KMT2E: variants seen among roughly 807,000 people sequenced by gnomAD.
KMT2E encodes lysine methyltransferase 2E (inactive), also known as histone reader KMT2E.
In KMT2E, 30 loss-of-function variants were observed where a neutral mutation model predicts 184.6. The ratio of observed to expected loss-of-function variants is 0.16; its 90% CI spans 0.12 to 0.22. KMT2E has a LOEUF of 0.22. Among genes scored for constraint, KMT2E ranks in the 10% least tolerant of loss-of-function variants. The pLI is 1.00. For missense variants in KMT2E, 2,023 were observed against 2,237.4 expected (o/e 0.90, Z 1.93); for synonymous variants, 815 against 776.5 (o/e 1.05, Z -0.82).
intron 1 of KMT2E, among the ~76,000 whole-genome samples, chr7:105,017,690 G>C (rs578201363): frequency 6.6e-6 from 1 of 152,244 alleles, no homozygotes; most frequent in Non-Finnish European, 1.5e-5. Context: ...CTTTGTTCTA[G>C]GATAGCTGAG....
intron 6 of KMT2E, among the ~76,000 whole-genome samples, chr7:105,069,616 T>C (rs1289817545): frequency 6.6e-6 from 1 of 152,238 alleles, no homozygotes; most frequent in East Asian, 1.9e-4. Flanking sequence ...TTTTAAAAAA[T>C]TAAATGTTCT....
chr7:105,088,612 C>T (rs1463684595), intron 13 of KMT2E, among the ~76,000 whole-genome samples: 2 of 152,142 alleles, frequency 1.3e-5, no homozygotes, highest in Non-Finnish European at 2.9e-5. Flanking sequence ...TGAACTACAT[C>T]TTAGCAGCTG....
chr7:105,017,121 G>A (rs1433706160), intron 1 of KMT2E, among the ~76,000 whole-genome samples: 3 of 152,136 alleles, frequency 2.0e-5, no homozygotes, highest in Non-Finnish European at 4.4e-5. Flanking sequence ...GGTGATTAAG[G>A]TCTGTGGTTC....
chr7:105,058,445 T>TAGA (rs1313709116), intron 3 of KMT2E, among the ~76,000 whole-genome samples: 2 of 152,194 alleles, frequency 1.3e-5, no homozygotes, highest in Admixed American at 6.5e-5. Flanking sequence ...TATAACCTCT[T>TAGA]AAGGGTTGCA....
rs59494471 is a variant in KMT2E at position 105,060,187 on chromosome 7, T to G, written c.72-1977T>G. Among the ~76,000 whole-genome samples, 455 of 151,354 alleles carry G rather than the reference T, an allele frequency of 3.0e-3. 15 individuals carry two copies. In the East Asian group the frequency reaches 0.062, roughly 21 times the overall value. On this transcript the variant is annotated intron_variant, in intron 3 of 26. Transcript: ENST00000311117. ...TTATTGTATTTTTAGTAGAGATGGG[T>G]TTTCACCATCTTGGCCAGGCTGGTC...
At chr7:105,094,705 C>T (rs1339640710) in intron 15 of KMT2E, among the ~76,000 whole-genome samples, 1 of 152,182 alleles carries the variant, frequency 6.6e-6, no homozygotes, top group Non-Finnish European at 1.5e-5. Flanking sequence ...CCCTCCTTAC[C>T]TGCAAGTTTG....
At position 105,112,739 on chromosome 7, in the gene KMT2E, G is replaced by C; in HGVS notation, c.4983G>C (p.Ala1661=). 2.5e-6 allele frequency: 4 copies of C among 1,613,248 alleles called. No individual in the cohort carries two copies. The highest frequency in any genetic ancestry group is 3.4e-6 in the Non-Finnish European group (4 of 1,179,848). The change falls in exon 27 of 27, where the codon GCG becomes GCC. Residue 1661 remains alanine, a synonymous_variant. Transcript: ENST00000311117. ...SVAHVVGPVH[A]VTPGSHIHSQ... is the part of the protein sequence containing the mutation. ...CACATGTAGTAGGGCCTGTTCATGC[G>C]GTCACCCCTGGGTCGCATATTCATT...
chr7:105,098,566 C>G (rs1798520948), intron 15 of KMT2E, among the ~76,000 whole-genome samples: 1 of 152,066 alleles, frequency 6.6e-6, no homozygotes, highest in Non-Finnish European at 1.5e-5. Context: ...CCACACCTGG[C>G]TAATTTTTGT....
intron 2 of KMT2E, among the ~76,000 whole-genome samples, chr7:105,040,317 GA>G (rs1341423643): frequency 6.6e-6 from 1 of 152,112 alleles, no homozygotes; most frequent in Non-Finnish European, 1.5e-5. Context: ...ATTATAATAT[GA>G]AAATATACAA....
intron 3 of KMT2E, among the ~76,000 whole-genome samples, chr7:105,053,106 G>C (rs550264037): frequency 6.6e-6 from 1 of 152,112 alleles, no homozygotes; most frequent in African/African-American, 2.4e-5. Context: ...TTAAAAATTG[G>C]CATGATTTCA....
chr7:105,055,420 G>T (rs1390262596), intron 3 of KMT2E, among the ~76,000 whole-genome samples: 6 of 151,926 alleles, frequency 3.9e-5, no homozygotes, highest in Admixed American at 3.9e-4. Context: ...GGTTCTTCTT[G>T]AACTAGTCCT....
chr7:105,081,672 T>C lies in KMT2E; in HGVS notation c.1249-16T>C. ...GAAAGTAATTTATGGTAATGTACAA[T>C]TATTTTAACTTTTAGGTGAGGCATG... On this transcript the variant is annotated splice_polypyrimidine_tract_variant and intron_variant, in intron 12 of 26. Coordinates refer to ENST00000311117, the MANE Select transcript of KMT2E (RefSeq NM_182931.3). 8.3e-7 allele frequency: 1 copy of C among 1,206,308 alleles called. No homozygotes were observed. Among genetic ancestry groups the C allele is most frequent in the Non-Finnish European group, 1.2e-6 (1 of 827,014 alleles). 74.7% of individuals were successfully genotyped at this position (1,206,308 alleles called of 1,614,324 possible).
At position 105,109,356 on chromosome 7, in the gene KMT2E, G is replaced by A. The variant is rs1562933875; in HGVS notation, c.3755+128G>A. 4.3e-6 allele frequency: 4 copies of A among 932,402 alleles called. No homozygotes were observed. In the South Asian group the frequency reaches 6.9e-5, roughly 16 times the overall value. The allele number at this position is 932,402 out of a possible 1,614,324, so 57.8% of individuals were successfully genotyped here. A position where few individuals can be genotyped will look rare whatever the true frequency, so the allele number is the denominator to read the frequency against. ...GTCACAATTTTAAAAGATTCTCTCT[G>A]CTAATAGGATTTTAAGCCAGCTGTG... is the stretch of plus-strand genomic sequence containing the variant. On this transcript the variant is annotated intron_variant, in intron 23 of 26. Transcript: ENST00000311117.
intron 22 of KMT2E, among the ~76,000 whole-genome samples, chr7:105,108,343 A>T (rs1378472778): frequency 5.3e-5 from 8 of 152,198 alleles, no homozygotes; most frequent in Admixed American, 5.2e-4. Flanking sequence ...CCATGGATGT[A>T]AGAGTGTTTT....
chr7:105,062,396 A>G (rs1386153419), intron 4 of KMT2E, 118 bp downstream of exon 4: 8 of 566,610 alleles, frequency 1.4e-5, no homozygotes, highest in Non-Finnish European at 2.4e-5. Context: ...CATACTATCA[A>G]AATAATTAGG....
chr7:105,078,183 T>C (rs1319319336), intron 11 of KMT2E, among the ~76,000 whole-genome samples: 3 of 152,224 alleles, frequency 2.0e-5, no homozygotes, highest in Non-Finnish European at 4.4e-5. Flanking sequence ...AGACAGATAC[T>C]TTTAAATGCA....
At chr7:105,019,562 A>G (rs914452343) in intron 1 of KMT2E, among the ~76,000 whole-genome samples, 3 of 152,258 alleles carry the variant, frequency 2.0e-5, no homozygotes, top group Non-Finnish European at 4.4e-5. Flanking sequence ...TAATTAACCT[A>G]TAATATGTGT....
chr7:105,043,898 C>T (rs1331396046), intron 3 of KMT2E, among the ~76,000 whole-genome samples: 1 of 152,038 alleles, frequency 6.6e-6, no homozygotes, highest in African/African-American at 2.4e-5. Flanking sequence ...TGAAACCAGC[C>T]TGGGTAATAC....
intron 15 of KMT2E, among the ~76,000 whole-genome samples, chr7:105,099,374 G>C (rs1466604731): frequency 6.6e-6 from 1 of 152,028 alleles, no homozygotes; most frequent in African/African-American, 2.4e-5. Flanking sequence ...CATGGGCTTT[G>C]GTTTCTTCAG....
Sources: gnomAD v4.1 joint callset for allele counts (sites outside exome capture counted in the v4.1 genomes callset) on GRCh38, gnomAD v4.1.1 for gene constraint, MANE v1.5 for transcripts, NCBI Gene and HGNC (gene_info 2026-07-23, HGNC 2026-07-21) for gene names.